ZNF782: variants seen among roughly 807,000 people sequenced by gnomAD.
The protein encoded by ZNF782 is zinc finger protein 782.
ZNF782 carries 12 observed loss-of-function variants against 13.0 expected under a neutral mutation model. The observed-to-expected ratio is 0.92, with a 90% CI of 0.59 to 1.50. The LOEUF (loss-of-function observed/expected upper bound fraction) is 1.50. ZNF782 is among the 40% of genes most tolerant of loss of function. The pLI is 0.00. For missense variants in ZNF782, 770 were observed against 822.9 expected (o/e 0.94, Z 0.79); for synonymous variants, 284 against 283.0 (o/e 1.00, Z -0.04).
chr9:96,896,050 CAGAT>C, the ZNF782 span: 3 of 152,278 alleles, frequency 2.0e-5, no homozygotes, highest in African/African-American at 4.8e-5. Flanking sequence ...GTGAAGAAAA[CAGAT>C]AGATCTTGGA....
intron 4 of ZNF782, among the ~76,000 whole-genome samples, chr9:96,833,874 A>G: frequency 6.6e-6 from 1 of 152,118 alleles, no homozygotes; most frequent in South Asian, 2.1e-4. Flanking sequence ...TGGGTTATGA[A>G]CCAATACTAT....
In ZNF782 at chr9:96,867,492, G is replaced by C. The variant is rs553951252; in HGVS notation, c.-456-5889C>G. Among the ~76,000 whole-genome samples the C allele has an allele frequency of 3.3e-5, 5 of 151,662 alleles. No homozygotes were observed. The East Asian group carries it at 5.8e-4, about 18-fold the overall frequency. On this transcript the variant is annotated intron_variant, in intron 1 of 5. Coordinates refer to the ZNF782 transcript ENST00000498811. ...GTATTTATGCTTTATCAGCATAAAT[G>C]CTTTATCAGCAGCATGAAAACAGAC...
chr9:96,903,098 C>G, the ZNF782 span: 2 of 151,228 alleles, frequency 1.3e-5, no homozygotes, highest in African/African-American at 2.4e-5. Flanking sequence ...GCCACCATGA[C>G]TGGCCAGTTC....
At chr9:96,858,466 A>G (rs1281214163), upstream of ZNF782, among the ~76,000 whole-genome samples, 1 of 152,206 alleles carries the variant, frequency 6.6e-6, no homozygotes, top group African/African-American at 2.4e-5. This position sits in a 1 kb window ranked among gnomAD's most constrained non-coding sequence, Gnocchi z 4.4. Context: ...GATGGCACCA[A>G]CTGGACACAG....
intron 3 of ZNF782, 134 bp downstream of exon 3, chr9:96,851,813 G>T: frequency 1.1e-6 from 1 of 915,198 alleles, no homozygotes; most frequent in Non-Finnish European, 1.7e-6. Context: ...TGACAGCAGA[G>T]TTCATGGTGA....
At chr9:96,933,054 T>G in the ZNF782 span, among the ~76,000 whole-genome samples, 51 of 148,470 alleles carry the variant, frequency 3.4e-4, no homozygotes, top group East Asian at 0.01. Context: ...CTCGGCTCAC[T>G]GCAAGCTCTA....
chr9:96,930,448 T>C, the ZNF782 span, among the ~76,000 whole-genome samples: 1 of 147,000 alleles, frequency 6.8e-6, no homozygotes, highest in African/African-American at 2.5e-5. Flanking sequence ...TGCTTGAACC[T>C]GGGAGGCAGA....
chr9:96,839,022 C>T (rs1278838164), intron 4 of ZNF782, among the ~76,000 whole-genome samples: 1 of 151,992 alleles, frequency 6.6e-6, no homozygotes, highest in East Asian at 1.9e-4. Context: ...CCTATCCAGG[C>T]AACTTTTTAC....
the ZNF782 span, among the ~76,000 whole-genome samples, chr9:96,884,422 A>G: frequency 6.6e-6 from 1 of 152,224 alleles, no homozygotes; most frequent in Non-Finnish European, 1.5e-5. Flanking sequence ...ATAGAGTGTC[A>G]TAAGGAAGGG....
the ZNF782 span, among the ~76,000 whole-genome samples, chr9:96,930,872 G>GTTTTGTTTTT: frequency 1.4e-5 from 1 of 72,656 alleles, no homozygotes; most frequent in African/African-American, 5.7e-5. Flanking sequence ...CCATCCAGTG[G>GTTTTGTTTTT]TTTTTTTTTT....
the ZNF782 span, among the ~76,000 whole-genome samples, chr9:96,908,634 CTTGTA>C: frequency 8.0e-6 from 1 of 124,236 alleles, no homozygotes; most frequent in Admixed American, 8.3e-5. Context: ...AGGCTTTAGG[CTTGTA>C]TTGTAGTCAG....
chr9:96,922,970 G>A, the ZNF782 span, among the ~76,000 whole-genome samples: 12 of 147,578 alleles, frequency 8.1e-5, no homozygotes, highest in Admixed American at 4.1e-4. Context: ...CTCTCACATC[G>A]CCAAGTACTA....
chr9:96,893,478 C>T, the ZNF782 span: 6 of 152,176 alleles, frequency 3.9e-5, no homozygotes, highest in African/African-American at 1.4e-4. Flanking sequence ...GGCAATTCCT[C>T]AGGGATCTAG....
chr9:96,820,808 C>T (rs1443318124), intron 5 of ZNF782, among the ~76,000 whole-genome samples: 1 of 152,122 alleles, frequency 6.6e-6, no homozygotes, highest in East Asian at 1.9e-4. Flanking sequence ...TCTTGGCCTC[C>T]CAAAGTGCTA....
At chr9:96,859,314 T>A (rs1851678190), upstream of ZNF782, among the ~76,000 whole-genome samples, 1 of 152,120 alleles carries the variant, frequency 6.6e-6, no homozygotes, top group Non-Finnish European at 1.5e-5. Context: ...ATGGAGTGCT[T>A]GCCCACCCCT....
At chr9:96,856,958 A>G (rs1851650612), upstream of ZNF782, among the ~76,000 whole-genome samples, 1 of 152,202 alleles carries the variant, frequency 6.6e-6, no homozygotes, top group Admixed American at 6.5e-5. Flanking sequence ...TTACAACCTC[A>G]GAGACCTGCG....
chr9:96,854,547 C>T (rs1172898712), upstream of ZNF782: 1 of 152,314 alleles, frequency 6.6e-6, no homozygotes, highest in Non-Finnish European at 1.5e-5. Flanking sequence ...CCCAGGAGCC[C>T]CATCCCAGAG....
intron 3 of ZNF782, among the ~76,000 whole-genome samples, chr9:96,851,398 A>T (rs1246339260): frequency 6.6e-6 from 1 of 152,136 alleles, no homozygotes; most frequent in Non-Finnish European, 1.5e-5. Context: ...ATATAACACA[A>T]TGTTCTCATT....
chr9:96,922,291 G>A, the ZNF782 span, among the ~76,000 whole-genome samples: 1 of 152,018 alleles, frequency 6.6e-6, no homozygotes, highest in African/African-American at 2.4e-5. Context: ...ATACAGTAAG[G>A]AAGGGGTGAA....
Sources: allele counts gnomAD v4.1 joint callset (sites outside exome capture counted in the v4.1 genomes callset), GRCh38; gene constraint gnomAD v4.1.1; non-coding constraint Gnocchi (gnomAD v3.1); transcripts MANE v1.5; gene names NCBI Gene and HGNC (gene_info 2026-07-23, HGNC 2026-07-21).